ASTN2: variants seen among roughly 807,000 people sequenced by gnomAD.
ASTN2 encodes astrotactin-2.
A neutral mutation model predicts 139.8 loss-of-function variants in ASTN2; 54 were observed. The ratio of observed to expected loss-of-function variants is 0.39; its 90% CI spans 0.31 to 0.48. The LOEUF is 0.48. ASTN2 is among the 20% of genes least tolerant of loss of function. ASTN2 has a pLI of 0.95. For synonymous variants in ASTN2, 756 were observed against 719.5 expected, an observed-to-expected ratio of 1.05 and a Z score of -0.81; for missense variants, 1,565 against 1,725.1, an observed-to-expected ratio of 0.91 and a Z score of 1.64.
chr9:117,084,036 G>GA (rs60435447), intron 5 of ASTN2, among the ~76,000 whole-genome samples: 2,175 of 120,848 alleles, frequency 0.018, 29 homozygotes, highest in Middle Eastern at 0.026. Flanking sequence ...GGATCTTTAA[G>GA]AAAAAAAAAA....
intron 17 of ASTN2, among the ~76,000 whole-genome samples, chr9:116,635,404 A>G (rs892684529): frequency 2.6e-5 from 4 of 152,200 alleles, no homozygotes; most frequent in African/African-American, 9.7e-5. Context: ...TAAAATATCA[A>G]AATCTCACTG....
chr9:116,769,818 G>A (rs10759858), intron 13 of ASTN2, among the ~76,000 whole-genome samples: 3 of 151,938 alleles, frequency 2.0e-5, no homozygotes, highest in African/African-American at 7.3e-5. Context: ...GTCGAGGCAG[G>A]AGAATCACTT....
intron 5 of ASTN2, among the ~76,000 whole-genome samples, chr9:117,061,774 C>A (rs1249302822): frequency 6.6e-6 from 1 of 151,996 alleles, no homozygotes; most frequent in Non-Finnish European, 1.5e-5. Context: ...AGAGAAGGCT[C>A]TCAATTCAGT....
chr9:116,987,231 T>A (rs1335750983), intron 7 of ASTN2, among the ~76,000 whole-genome samples: 1 of 152,242 alleles, frequency 6.6e-6, no homozygotes, highest in East Asian at 1.9e-4. Context: ...GGAGACAGAC[T>A]TCCCCCTTGC....
At chr9:116,903,324 G>A (rs895726855) in intron 10 of ASTN2, among the ~76,000 whole-genome samples, 2 of 152,068 alleles carry the variant, frequency 1.3e-5, no homozygotes, top group African/African-American at 4.8e-5. Flanking sequence ...ATGTAAAATC[G>A]TTGTTGGCAG....
At chr9:116,928,842 A>G (rs1220989558) in intron 10 of ASTN2, among the ~76,000 whole-genome samples, 4 of 152,168 alleles carry the variant, frequency 2.6e-5, no homozygotes, top group Non-Finnish European at 5.9e-5. Flanking sequence ...ATGTACTATG[A>G]GTTTTTTATG....
chr9:116,555,362 C>G (rs1432324693), intron 19 of ASTN2, among the ~76,000 whole-genome samples: 1 of 152,176 alleles, frequency 6.6e-6, no homozygotes, highest in East Asian at 1.9e-4. Flanking sequence ...ATCTCTGAGC[C>G]AAAGTGAGCT....
At chr9:116,990,821 T>A (rs1436979452) in intron 7 of ASTN2, among the ~76,000 whole-genome samples, 1 of 152,202 alleles carries the variant, frequency 6.6e-6, no homozygotes, top group Admixed American at 6.5e-5. Context: ...AACGTGTGTC[T>A]AAGCAGCCTG....
At position 116,595,516 on chromosome 9, in the gene ASTN2, G is replaced by C. The variant is rs894983374; in HGVS notation, c.3355+22808C>G. Among the ~76,000 whole-genome samples the C allele has an allele frequency of 3.9e-5, 6 of 152,162 alleles. No individual in the cohort carries two copies. In the East Asian group the frequency reaches 1.2e-3, roughly 30 times the overall value. ...TAATTTTTGAATTTTCAGTAGAGAC[G>C]GGGTTTCACTATGTTGGCCAGGCTG... On this transcript the variant is annotated intron_variant, in intron 19 of 22. Transcript: ENST00000313400.
chr9:116,448,863 C>A (rs914414298), intron 20 of ASTN2, among the ~76,000 whole-genome samples: 1 of 152,104 alleles, frequency 6.6e-6, no homozygotes, highest in Non-Finnish European at 1.5e-5. Flanking sequence ...TAATAGTGTT[C>A]GTGATGGATT....
At chr9:117,012,055 T>C (rs1008762527) in intron 6 of ASTN2, among the ~76,000 whole-genome samples, 2 of 152,196 alleles carry the variant, frequency 1.3e-5, no homozygotes, top group Non-Finnish European at 2.9e-5. Context: ...CAACTCTCAG[T>C]AAAATGCCTG....
chr9:116,632,175 A>G (rs1564168733), intron 17 of ASTN2, among the ~76,000 whole-genome samples: 10 of 29,988 alleles, frequency 3.3e-4, no homozygotes, highest in Non-Finnish European at 5.7e-4. Flanking sequence ...AGAGAGAGAG[A>G]GAGAGAGAGG....
chr9:116,860,192 A>G (rs553361096), intron 11 of ASTN2, among the ~76,000 whole-genome samples: 133 of 152,296 alleles, frequency 8.7e-4, no homozygotes, highest in Admixed American at 8.6e-3. Flanking sequence ...TTCAGTTAAG[A>G]GGTGGGAGGC....
At chr9:116,482,565 C>T (rs953302864) in intron 20 of ASTN2, among the ~76,000 whole-genome samples, 12 of 152,216 alleles carry the variant, frequency 7.9e-5, no homozygotes, top group Admixed American at 2.6e-4. Flanking sequence ...CTTAACCTTT[C>T]CATGTCACAA....
rs373611545 is a variant in ASTN2 at position 117,083,837 on chromosome 9, G to C, written c.1276+12207C>G. On this transcript the variant is annotated intron_variant, in intron 5 of 22. Coordinates refer to ENST00000313400, the MANE Select transcript of ASTN2 (RefSeq NM_001365068.1). ...CCCTCCCTTCGATGGCGGGCTGTCA[G>C]GTGCTGAGCTGGCTGGCATTGCACA... Among the ~76,000 whole-genome samples the C allele has an allele frequency of 1.2e-4, 19 of 152,210 alleles. No homozygotes were observed. The East Asian group carries it at 3.3e-3, about 26-fold the overall frequency.
intron 10 of ASTN2, among the ~76,000 whole-genome samples, chr9:116,919,457 C>T (rs774785312): frequency 2.6e-5 from 4 of 152,074 alleles, no homozygotes; most frequent in South Asian, 4.2e-4. Flanking sequence ...ACACTGTGAA[C>T]GTTTTAACAA....
intron 1 of ASTN2, among the ~76,000 whole-genome samples, chr9:117,352,574 G>T (rs938021571): frequency 6.6e-6 from 1 of 152,138 alleles, no homozygotes; most frequent in Non-Finnish European, 1.5e-5. Flanking sequence ...GACAAAGAGT[G>T]GTAGGAGAAT....
intron 13 of ASTN2, among the ~76,000 whole-genome samples, chr9:116,775,265 A>G (rs1383167059): frequency 2.0e-5 from 3 of 151,988 alleles, no homozygotes; most frequent in Admixed American, 6.6e-5. Flanking sequence ...TTTCAAAGGA[A>G]AGGAAGAAAA....
chr9:116,934,374 G>A (rs118033894), intron 10 of ASTN2, among the ~76,000 whole-genome samples: 3,667 of 152,250 alleles, frequency 0.024, 59 homozygotes, highest in Middle Eastern at 0.058. Flanking sequence ...ACAGAGTCGA[G>A]TGTGTCATTA....
Sources: allele counts gnomAD v4.1 joint callset (sites outside exome capture counted in the v4.1 genomes callset), GRCh38; gene constraint gnomAD v4.1.1; transcripts MANE v1.5; gene names NCBI Gene and HGNC (gene_info 2026-07-23, HGNC 2026-07-21).